N4BP2: variants seen among roughly 807,000 people sequenced by gnomAD.
The protein encoded by N4BP2 is NEDD4 binding protein 2.
A neutral mutation model predicts 152.8 loss-of-function variants in N4BP2; 91 were observed. The ratio of observed to expected loss-of-function variants is 0.60; its 90% CI spans 0.50 to 0.71. The LOEUF (loss-of-function observed/expected upper bound fraction) is 0.71, where lower values mean the gene tolerates loss of function less well. N4BP2 is among the 30% of genes least tolerant of loss of function. The pLI, the probability that N4BP2 is intolerant of heterozygous loss-of-function variation, is 0.00. For synonymous variants in N4BP2, 646 were observed against 705.3 expected, an observed-to-expected ratio of 0.92 and a Z score of 1.33; for missense variants, 1,923 against 2,059.1, an observed-to-expected ratio of 0.93 and a Z score of 1.28.
chr4:40,123,090 A>G (rs1484206549), intron 9 of N4BP2, 37 bp from the exon 10 acceptor site: 1 of 1,336,364 alleles, frequency 7.5e-7, no homozygotes, highest in Non-Finnish European at 1.1e-6. Flanking sequence ...ATAATGAGTA[A>G]TGATTACATT....
rs1721636406 is a variant in N4BP2, at chr4:40,156,825, T to A, written c.*2588T>A. The A allele has an allele frequency of 6.6e-6, 1 of 152,128 alleles. No homozygotes were observed. Among genetic ancestry groups the A allele is most frequent in the Non-Finnish European group, 1.5e-5 (1 of 67,986 alleles). 9.4% of individuals were successfully genotyped at this position (152,128 alleles called of 1,614,324 possible). A position where few individuals can be genotyped will look rare whatever the true frequency, so the allele number is the denominator to read the frequency against. ...AAATACTCACAGAGCATTTTACATTTGTAGGTTAGCGATACTCAACAAGTA... is the reference window on the plus strand; with the variant it reads ...AAATACTCACAGAGCATTTTACATTAGTAGGTTAGCGATACTCAACAAGTA... On this transcript the variant is annotated 3_prime_UTR_variant, in exon 18 of 18. Transcript: ENST00000261435.
intron 7 of N4BP2, among the ~76,000 whole-genome samples, chr4:40,113,757 G>A (rs1037918692): frequency 1.6e-4 from 24 of 151,798 alleles, no homozygotes; most frequent in African/African-American, 5.3e-4. Flanking sequence ...TTATTTATTC[G>A]TTTATTTATT....
At chr4:40,117,747 A>G in intron 7 of N4BP2, 122 bp from the exon 8 acceptor site, 1 of 727,200 alleles carries the variant, frequency 1.4e-6, no homozygotes, top group Non-Finnish European at 2.1e-6. Flanking sequence ...TGGTCACAAT[A>G]AAGCAGCTTT....
At chr4:40,176,196 T>C in the N4BP2 span, among the ~76,000 whole-genome samples, 1 of 152,288 alleles carries the variant, frequency 6.6e-6, no homozygotes, top group Non-Finnish European at 1.5e-5. Flanking sequence ...TCATATTTTA[T>C]AAATATGTAT....
At chr4:40,063,311 T>C (rs1733801667) in intron 1 of N4BP2, among the ~76,000 whole-genome samples, 1 of 152,222 alleles carries the variant, frequency 6.6e-6, no homozygotes, top group Admixed American at 6.5e-5. Flanking sequence ...GTGGGAACTT[T>C]CCCATAGTTG....
intron 17 of N4BP2, 22 bp downstream of exon 17, chr4:40,152,925 TA>T (rs757820188): frequency 6.2e-7 from 1 of 1,611,346 alleles, no homozygotes; most frequent in African/African-American, 1.3e-5. Flanking sequence ...TTTCTGTTAT[TA>T]ATAATGGCAA....
At chr4:40,128,275 C>T (rs1286587990) in intron 12 of N4BP2, among the ~76,000 whole-genome samples, 4 of 152,156 alleles carry the variant, frequency 2.6e-5, no homozygotes, top group South Asian at 2.1e-4. Flanking sequence ...CTTTCTTATT[C>T]GTTTGACTGC....
intron 8 of N4BP2, 134 bp downstream of exon 8, chr4:40,118,158 C>T (rs1717527736): frequency 3.0e-6 from 2 of 666,338 alleles, no homozygotes; most frequent in South Asian, 5.7e-5. Flanking sequence ...GTGGCTCACA[C>T]CTGTAATCCC....
chr4:40,160,046 C>T (rs886420669), downstream of N4BP2, among the ~76,000 whole-genome samples: 37 of 152,120 alleles, frequency 2.4e-4, no homozygotes, highest in African/African-American at 8.7e-4. Context: ...TCTCGAATTC[C>T]TGATCTTAGG....
intron 13 of N4BP2, 29 bp from the exon 14 acceptor site, chr4:40,136,915 C>A: frequency 1.3e-6 from 2 of 1,534,782 alleles, no homozygotes; most frequent in Non-Finnish European, 9.0e-7. Flanking sequence ...CATTTATTGA[C>A]ATTATGTTTC....
At chr4:40,117,353 A>G (rs1717439212) in intron 7 of N4BP2, among the ~76,000 whole-genome samples, 1 of 152,194 alleles carries the variant, frequency 6.6e-6, no homozygotes, top group Non-Finnish European at 1.5e-5. Flanking sequence ...GCAAATGCAT[A>G]TATTATCCCT....
At chr4:40,099,090 T>C (rs1009221715) in intron 3 of N4BP2, among the ~76,000 whole-genome samples, 16 of 152,196 alleles carry the variant, frequency 1.1e-4, no homozygotes, top group Admixed American at 4.6e-4. Context: ...CAAAATCTTA[T>C]TTTCTTGCGT....
Position 40,121,598 on chromosome 4 carries a change from A to AT in N4BP2, c.3489dup (p.Ser1164Ter). 6.2e-7 allele frequency: 1 copy of AT among 1,614,176 alleles called. No homozygotes were observed. The highest frequency in any genetic ancestry group is 8.5e-7 in the Non-Finnish European group (1 of 1,180,022). ...TCTGGGGTTGAATTTGAAAGAAATTATTAGCCAAAGAGGAACTTTAGAGAA... is the reference window on the plus strand; with the variant it reads ...TCTGGGGTTGAATTTGAAAGAAATTATTTAGCCAAAGAGGAACTTTAGAGAA... On this transcript the variant is annotated frameshift_variant, in exon 9 of 18. Coordinates refer to ENST00000261435, the MANE Select transcript of N4BP2 (RefSeq NM_018177.6). LOFTEE classifies it high-confidence loss of function.
At chr4:40,110,632 G>A (rs1447102160) in intron 5 of N4BP2, among the ~76,000 whole-genome samples, 3 of 152,132 alleles carry the variant, frequency 2.0e-5, no homozygotes, top group African/African-American at 7.2e-5. Context: ...CCGCCTCCTG[G>A]GTTCAAGTGA....
intron 13 of N4BP2, among the ~76,000 whole-genome samples, chr4:40,135,699 A>T (rs1719321159): frequency 6.6e-6 from 1 of 152,144 alleles, no homozygotes; most frequent in Non-Finnish European, 1.5e-5. Context: ...AGTAGTTGGG[A>T]TTACAGGCGC....
At chr4:40,097,136 G>A (rs185335800) in intron 2 of N4BP2, 91 bp from the exon 3 acceptor site, 44 of 501,208 alleles carry the variant, frequency 8.8e-5, no homozygotes, top group Admixed American at 2.9e-4. Flanking sequence ...AGAGTTGGTG[G>A]TACTTTCTTA....
chr4:40,113,531 C>A (rs774240913), intron 7 of N4BP2, 23 bp downstream of exon 7: 129 of 1,549,696 alleles, frequency 8.3e-5, no homozygotes, highest in Non-Finnish European at 1.1e-4. Flanking sequence ...GGCTACCTAA[C>A]ATGCTTTTTA....
chr4:40,159,626 C>T (rs765045025), downstream of N4BP2, among the ~76,000 whole-genome samples: 57 of 152,266 alleles, frequency 3.7e-4, no homozygotes, highest in East Asian at 3.9e-4. Flanking sequence ...CTTCTACTTA[C>T]GTCCTATTGA....
intron 17 of N4BP2, 35 bp downstream of exon 17, chr4:40,152,938 T>C (rs201494276): frequency 1.2e-4 from 189 of 1,605,120 alleles, no homozygotes; most frequent in Middle Eastern, 3.3e-4. Flanking sequence ...TAATGGCAAC[T>C]GCCCATATAG....
Sources: gnomAD v4.1 joint callset for allele counts (sites outside exome capture counted in the v4.1 genomes callset) on GRCh38, gnomAD v4.1.1 for gene constraint, MANE v1.5 for transcripts, NCBI Gene and HGNC (gene_info 2026-07-23, HGNC 2026-07-21) for gene names.